PKP2: variants seen among roughly 807,000 people sequenced by gnomAD.
The protein encoded by PKP2 is plakophilin 2.
PKP2 carries 73 observed loss-of-function variants against 83.4 expected under a neutral mutation model. The observed-to-expected ratio is 0.88, with a 90% confidence interval of 0.72 to 1.06. The LOEUF (loss-of-function observed/expected upper bound fraction) is 1.06. Among genes scored for constraint, PKP2 ranks in the 50% least tolerant of loss-of-function variants. The pLI is 0.00. For missense variants in PKP2, 966 were observed against 1,065.4 expected, an observed-to-expected ratio of 0.91 and a Z score of 1.30; for synonymous variants, 409 against 430.4, an observed-to-expected ratio of 0.95 and a Z score of 0.62.
intron 4 of PKP2, among the ~76,000 whole-genome samples, chr12:32,865,872 C>T (rs1297627493): frequency 6.6e-6 from 1 of 151,940 alleles, no homozygotes; most frequent in African/African-American, 2.4e-5. Flanking sequence ...CCACATCTTA[C>T]AATATATAAA....
chr12:32,880,609 C>T (rs1338849570), intron 1 of PKP2, among the ~76,000 whole-genome samples: 2 of 152,134 alleles, frequency 1.3e-5, no homozygotes, highest in African/African-American at 2.4e-5. Context: ...TAATAGCCAG[C>T]CCACTCTCAT....
At position 32,865,527 on chromosome 12, in the gene PKP2, A is replaced by T. The variant is rs557680272; in HGVS notation, c.1170+3400T>A. Reference sequence around the variant, plus strand: ...GAAACCTCGACTCCACTAAAAAAAAAATACAAAAATTAGCCATGTATGGTG... The same window carrying T: ...GAAACCTCGACTCCACTAAAAAAAATATACAAAAATTAGCCATGTATGGTG... On this transcript the variant is annotated intron_variant, in intron 4 of 12. Transcript: ENST00000340811. Among the ~76,000 whole-genome samples, 6 of 151,990 alleles carry T rather than the reference A, an allele frequency of 3.9e-5. No individual in the cohort carries two copies. The East Asian group carries it at 1.2e-3, about 29-fold the overall frequency.
At chr12:32,892,979 T>C (rs921515734) in intron 1 of PKP2, among the ~76,000 whole-genome samples, 1 of 152,196 alleles carries the variant, frequency 6.6e-6, no homozygotes, top group African/African-American at 2.4e-5. Flanking sequence ...ACAGACTTAC[T>C]TCACAATGCT....
At chr12:32,796,485 C>T (rs758873132) in intron 10 of PKP2, among the ~76,000 whole-genome samples, 187 bp from the exon 11 acceptor site, 3 of 152,190 alleles carry the variant, frequency 2.0e-5, no homozygotes, top group Non-Finnish European at 4.4e-5. Flanking sequence ...CGGGTTCACG[C>T]CATTCTCTTG....
At chr12:32,822,064 G>T (rs1956385047) in intron 8 of PKP2, among the ~76,000 whole-genome samples, 1 of 152,152 alleles carries the variant, frequency 6.6e-6, no homozygotes, top group Admixed American at 6.5e-5. Flanking sequence ...TCCAAAGTTT[G>T]TTTTTAGAAT....
chr12:32,819,885 A>AAC (rs1956360247), intron 9 of PKP2, among the ~76,000 whole-genome samples: 5 of 145,620 alleles, frequency 3.4e-5, no homozygotes, highest in Non-Finnish European at 4.5e-5. Flanking sequence ...CGCACACACA[A>AAC]CCCCCCCCCC....
In PKP2 at chr12:32,877,845, C is replaced by T. The variant is rs869025496; in HGVS notation, c.1034+1G>A. 2 of 1,608,230 alleles carry T rather than the reference C, an allele frequency of 1.2e-6. No homozygotes were observed. The highest frequency in any genetic ancestry group is 1.3e-5 in the African/African-American group (1 of 74,812). The stretch of plus-strand genomic sequence containing the variant: ...AACTGCAGAGTCAGGAGGGGACTTA[C>T]CCCAGCTGGGAGTCAGTGAAAGTGC... On this transcript the variant is annotated splice_donor_variant, in intron 3 of 12. Coordinates refer to ENST00000340811, the MANE Select transcript of PKP2 (RefSeq NM_001005242.3). LOFTEE classifies it high-confidence loss of function.
intron 6 of PKP2, among the ~76,000 whole-genome samples, chr12:32,839,647 T>C (rs1189740126): frequency 6.6e-6 from 1 of 152,102 alleles, no homozygotes; most frequent in Non-Finnish European, 1.5e-5. Context: ...TTCCGACTTG[T>C]TTCAGTGAGT....
intron 1 of PKP2, among the ~76,000 whole-genome samples, chr12:32,886,233 T>G (rs1182271895): frequency 6.6e-6 from 1 of 152,214 alleles, no homozygotes; most frequent in Non-Finnish European, 1.5e-5. Context: ...ATTTGGTCTT[T>G]CTACAGTAAT....
chr12:32,849,326 C>T (rs1433738034), intron 5 of PKP2, among the ~76,000 whole-genome samples: 3 of 152,188 alleles, frequency 2.0e-5, no homozygotes, highest in East Asian at 3.9e-4. Context: ...AAGCAATCCT[C>T]CCACCTCAGC....
intron 4 of PKP2, among the ~76,000 whole-genome samples, chr12:32,855,199 T>G (rs1382635984): frequency 1.3e-5 from 2 of 152,234 alleles, no homozygotes; most frequent in African/African-American, 4.8e-5. Context: ...TCTTTTGTAA[T>G]AGCAGAAAAT....
At chr12:32,852,944 C>T (rs911996785) in intron 4 of PKP2, among the ~76,000 whole-genome samples, 1 of 152,066 alleles carries the variant, frequency 6.6e-6, no homozygotes, top group African/African-American at 2.4e-5. Context: ...ATTAGCCAGG[C>T]ATGGTGGTGG....
chr12:32,845,506 CAT>C (rs1956636738), intron 5 of PKP2, among the ~76,000 whole-genome samples: 1 of 152,084 alleles, frequency 6.6e-6, no homozygotes. Flanking sequence ...GAGCCGAGAT[CAT>C]GCCACTGTAC....
intron 6 of PKP2, among the ~76,000 whole-genome samples, chr12:32,838,620 C>T (rs773906800): frequency 6.6e-6 from 1 of 152,200 alleles, no homozygotes; most frequent in Non-Finnish European, 1.5e-5. Context: ...TCACCAATTT[C>T]ACCATCAATT....
chr12:32,823,668 G>A (rs1038205668), intron 7 of PKP2, among the ~76,000 whole-genome samples: 23 of 150,960 alleles, frequency 1.5e-4, no homozygotes, highest in African/African-American at 3.4e-4. Context: ...GTGCAGTGGC[G>A]CAATCTCTGC....
At chr12:32,861,763 A>C (rs1018198643) in intron 4 of PKP2, among the ~76,000 whole-genome samples, 2 of 152,254 alleles carry the variant, frequency 1.3e-5, no homozygotes, top group African/African-American at 4.8e-5. Context: ...CACCAGTAAG[A>C]AAGAGAAAAT....
chr12:32,802,577 T>C, intron 9 of PKP2, 21 bp from the exon 10 acceptor site: 1 of 1,608,270 alleles, frequency 6.2e-7, no homozygotes, highest in Non-Finnish European at 8.5e-7. Context: ...AGACATATCC[T>C]ATAAGTGCTA....
intron 4 of PKP2, among the ~76,000 whole-genome samples, chr12:32,858,023 T>C (rs535846689): frequency 2.2e-4 from 28 of 125,732 alleles, no homozygotes; most frequent in African/African-American, 7.4e-4. Context: ...AGCCCAGGGG[T>C]TTGTGACCAG....
intron 3 of PKP2, among the ~76,000 whole-genome samples, chr12:32,870,847 C>T (rs562226366): frequency 6.6e-6 from 1 of 152,200 alleles, no homozygotes. Context: ...TTGAATTTCC[C>T]ATCTCTAACA....
Sources: allele counts gnomAD v4.1 joint callset (sites outside exome capture counted in the v4.1 genomes callset), GRCh38; gene constraint gnomAD v4.1.1; transcripts MANE v1.5; gene names NCBI Gene and HGNC (gene_info 2026-07-23, HGNC 2026-07-21).